Variants in HCRTR2 observed in about 807,000 individuals in gnomAD.
HCRTR2 encodes the protein orexin receptor type 2.
A neutral mutation model predicts 49.0 loss-of-function variants in HCRTR2; 22 were observed. That is an observed-to-expected ratio of 0.45 (90% confidence interval 0.32 to 0.64). HCRTR2 has a LOEUF of 0.64. Among genes scored for constraint, HCRTR2 ranks in the 30% least tolerant of loss-of-function variants. The probability of loss-of-function intolerance (pLI) is 0.04; values close to 1 mark genes in which losing one functional copy is unlikely to be tolerated. For synonymous variants in HCRTR2, 236 were observed against 205.3 expected (o/e 1.15, Z -1.28); for missense variants, 491 against 559.4 (o/e 0.88, Z 1.23).
At chr6:55,235,789 G>T (rs949217920) in intron 1 of HCRTR2, among the ~76,000 whole-genome samples, 1 of 151,968 alleles carries the variant, frequency 6.6e-6, no homozygotes, top group African/African-American at 2.4e-5. Flanking sequence ...CCTTATATAC[G>T]TAGGTGTGGA....
chr6:55,204,925 A>C (rs79332414), intron 1 of HCRTR2, among the ~76,000 whole-genome samples: 1 of 152,056 alleles, frequency 6.6e-6, no homozygotes, highest in East Asian at 1.9e-4. Flanking sequence ...AGCTGGGACT[A>C]CAGGATTGCA....
intron 4 of HCRTR2, among the ~76,000 whole-genome samples, chr6:55,264,257 A>G (rs1184506646): frequency 6.6e-6 from 1 of 152,108 alleles, no homozygotes; most frequent in Non-Finnish European, 1.5e-5. Context: ...ATTGGAACAT[A>G]TAGGTTAAAT....
At chr6:55,125,758 C>T (rs1456697325) in intron 1 of HCRTR2, among the ~76,000 whole-genome samples, 7 of 152,036 alleles carry the variant, frequency 4.6e-5, no homozygotes, top group African/African-American at 1.4e-4. Context: ...ACCAATAGAA[C>T]GTATGTTTGG....
intron 3 of HCRTR2, among the ~76,000 whole-genome samples, chr6:55,262,950 G>A (rs1766796029): frequency 6.6e-6 from 1 of 151,242 alleles, no homozygotes; most frequent in African/African-American, 2.4e-5. Flanking sequence ...AATTACTACA[G>A]TCCTAGAGGT....
intron 1 of HCRTR2, among the ~76,000 whole-genome samples, chr6:55,110,191 C>G (rs1393363510): frequency 1.3e-5 from 2 of 152,046 alleles, no homozygotes; most frequent in African/African-American, 4.8e-5. Flanking sequence ...ACTATCAAGC[C>G]AGCACTACAA....
intron 1 of HCRTR2, among the ~76,000 whole-genome samples, chr6:55,147,899 T>G (rs1309250720): frequency 5.4e-5 from 8 of 148,254 alleles, no homozygotes; most frequent in African/African-American, 1.9e-4. Context: ...TTGTTAGAGT[T>G]TGTTGTTAGA....
At chr6:55,267,573 G>T (rs982531317) in intron 4 of HCRTR2, among the ~76,000 whole-genome samples, 1 of 151,710 alleles carries the variant, frequency 6.6e-6, no homozygotes, top group Admixed American at 6.6e-5. Flanking sequence ...AATCTTAATC[G>T]TCATGTGCTT....
chr6:55,161,852 A>G (rs530637606), intron 1 of HCRTR2, among the ~76,000 whole-genome samples: 9 of 152,292 alleles, frequency 5.9e-5, no homozygotes, highest in Admixed American at 2.6e-4. Context: ...TAGCGTTCCA[A>G]TGAAAAAAAG....
At position 55,262,765 on chromosome 6, in the gene HCRTR2, A is replaced by AATATAT. The variant is rs3065669; in HGVS notation, c.647-925_647-920dup. Among the ~76,000 whole-genome samples the AATATAT allele has an allele frequency of 2.9e-5, 4 of 138,852 alleles. No homozygotes were observed. In the South Asian group the frequency reaches 6.7e-4, roughly 23 times the overall value. The allele number at this position is 138,852 out of a possible 152,430, so 91.1% of individuals were successfully genotyped here. On this transcript the variant is annotated intron_variant, in intron 3 of 6. Coordinates refer to ENST00000370862, the MANE Select transcript of HCRTR2 (RefSeq NM_001384272.1). ...ATATATATATATGTATTAGGTAGGGAATATATATATATATATATATATCTT... is the reference window on the plus strand; with the variant it reads ...ATATATATATATGTATTAGGTAGGGAATATATATATATATATATATATATATATCTT...
chr6:55,127,699 A>G (rs963685461), intron 1 of HCRTR2, among the ~76,000 whole-genome samples: 1 of 152,156 alleles, frequency 6.6e-6, no homozygotes, highest in Non-Finnish European at 1.5e-5. Flanking sequence ...AGCTACACAG[A>G]TGAGTAAAAT....
Position 55,280,407 on chromosome 6 carries a change from T to A in HCRTR2, c.1068T>A (p.Asn356Lys). ...TTTCACACTGGCTTGTATATGCCAA[T>A]AGTGCTGCGAATCCAATTATTTATA... ...FTFSHWLVYA[N>K]SAANPIIYNF... Residue 356 changes from asparagine (N) to lysine (K), a missense_variant, in exon 6 of 7, where the codon AAT becomes AAA. Transcript: ENST00000370862. The A allele has an allele frequency of 6.2e-7, 1 of 1,612,648 alleles. No individual in the cohort carries two copies. Among genetic ancestry groups the A allele is most frequent in the Non-Finnish European group, 8.5e-7 (1 of 1,178,744 alleles).
At chr6:55,188,988 ATAAT>A (rs1348615108) in intron 1 of HCRTR2, among the ~76,000 whole-genome samples, 1 of 152,236 alleles carries the variant, frequency 6.6e-6, no homozygotes, top group Non-Finnish European at 1.5e-5. Flanking sequence ...AGACACAAAA[ATAAT>A]TATTTATAAA....
At chr6:55,187,350 T>TTGCAG (rs199881900) in intron 1 of HCRTR2, among the ~76,000 whole-genome samples, 351 of 138,252 alleles carry the variant, frequency 2.5e-3, no homozygotes, top group African/African-American at 9.2e-3. Flanking sequence ...GAGACGGAGG[T>TTGCAG]TGCAGTGAGC....
At chr6:55,200,692 G>A (rs1018146038) in intron 1 of HCRTR2, among the ~76,000 whole-genome samples, 1 of 151,848 alleles carries the variant, frequency 6.6e-6, no homozygotes, top group Non-Finnish European at 1.5e-5. Context: ...TTTGATATTT[G>A]GTATTCATGA....
At chr6:55,176,979 C>T (rs1183135224) in intron 1 of HCRTR2, among the ~76,000 whole-genome samples, 3 of 152,128 alleles carry the variant, frequency 2.0e-5, no homozygotes, top group Non-Finnish European at 2.9e-5. Flanking sequence ...GTAAAATGTG[C>T]TCTTCTTTGT....
At chr6:55,272,596 A>AC (rs1405916581) in intron 4 of HCRTR2, among the ~76,000 whole-genome samples, 2 of 138,292 alleles carry the variant, frequency 1.4e-5, no homozygotes, top group East Asian at 6.1e-4. Flanking sequence ...AAAATTGAAG[A>AC]CTTTTTTTTT....
chr6:55,128,293 G>A (rs1325599986), intron 1 of HCRTR2, among the ~76,000 whole-genome samples: 1 of 152,088 alleles, frequency 6.6e-6, no homozygotes, highest in Non-Finnish European at 1.5e-5. Context: ...GTCTGTTTAT[G>A]TACCAGTACC....
intron 1 of HCRTR2, among the ~76,000 whole-genome samples, chr6:55,163,034 G>T (rs911176974): frequency 9.9e-5 from 15 of 152,038 alleles, no homozygotes; most frequent in Non-Finnish European, 1.9e-4. Context: ...GGATCAAGAG[G>T]TCAGGAGATT....
chr6:55,177,037 A>T (rs1363149590), intron 1 of HCRTR2, among the ~76,000 whole-genome samples: 1 of 152,178 alleles, frequency 6.6e-6, no homozygotes, highest in Non-Finnish European at 1.5e-5. Context: ...AATAGTCTCC[A>T]TATCCTAATT....
Sources: gnomAD v4.1 joint callset for allele counts (sites outside exome capture counted in the v4.1 genomes callset) on GRCh38, gnomAD v4.1.1 for gene constraint, MANE v1.5 for transcripts, NCBI Gene and HGNC (gene_info 2026-07-23, HGNC 2026-07-21) for gene names.